Variants in NT5C2 observed in about 807,000 individuals in gnomAD.
NT5C2 encodes the protein cytosolic purine 5'-nucleotidase.
A neutral mutation model predicts 76.1 loss-of-function variants in NT5C2; 58 were observed. The observed-to-expected ratio is 0.76, with a 90% CI of 0.62 to 0.95. The LOEUF (loss-of-function observed/expected upper bound fraction) is 0.95, where lower values mean the gene tolerates loss of function less well. Ranked by LOEUF, NT5C2 falls within the 40% of genes least tolerant of loss-of-function variation. The pLI is 0.00. For missense variants in NT5C2, 478 were observed against 690.3 expected (o/e 0.69, Z 3.45); for synonymous variants, 229 against 237.4 (o/e 0.96, Z 0.32).
chr10:103,104,698 A>G (rs749025984), intron 6 of NT5C2, among the ~76,000 whole-genome samples: 2 of 152,202 alleles, frequency 1.3e-5, no homozygotes, highest in Non-Finnish European at 2.9e-5. Flanking sequence ...AATGCCAACT[A>G]AAGAGTCTTA....
chr10:103,174,706 A>T, intron 3 of NT5C2, 152 bp downstream of exon 3: 1 of 601,240 alleles, frequency 1.7e-6, no homozygotes. Flanking sequence ...ACTAGTAGTT[A>T]AAAGTCTCGA....
At chr10:103,140,123 T>C (rs779583068) in intron 3 of NT5C2, 6 of 152,216 alleles carry the variant, frequency 3.9e-5, no homozygotes, top group Non-Finnish European at 7.3e-5. Flanking sequence ...TCACCTATGT[T>C]GCTCTGGCTC....
At chr10:103,103,336 G>C (rs2070312709) in intron 6 of NT5C2, among the ~76,000 whole-genome samples, 1 of 152,134 alleles carries the variant, frequency 6.6e-6, no homozygotes. Flanking sequence ...TTATCTTCTA[G>C]CTTTCCAAGA....
chr10:103,117,377 G>A (rs1409147149), intron 4 of NT5C2, among the ~76,000 whole-genome samples: 1 of 152,184 alleles, frequency 6.6e-6, no homozygotes, highest in African/African-American at 2.4e-5. Flanking sequence ...TGGGCGTGAT[G>A]GCTCACACTT....
At chr10:103,139,678 T>C (rs2080007385) in intron 3 of NT5C2, among the ~76,000 whole-genome samples, 199 bp from the exon 4 acceptor site, 1 of 152,204 alleles carries the variant, frequency 6.6e-6, no homozygotes, top group Admixed American at 6.5e-5. Flanking sequence ...CACAGTGAAA[T>C]GATTAATACA....
At chr10:103,179,415 T>C (rs1391189339) in intron 2 of NT5C2, among the ~76,000 whole-genome samples, 3 of 152,112 alleles carry the variant, frequency 2.0e-5, no homozygotes, top group African/African-American at 7.2e-5. Context: ...GGAGGTAATA[T>C]TTGTTCAGAG....
At chr10:103,162,728 A>C (rs762655988) in intron 3 of NT5C2, among the ~76,000 whole-genome samples, 1 of 152,194 alleles carries the variant, frequency 6.6e-6, no homozygotes, top group Non-Finnish European at 1.5e-5. Flanking sequence ...GTATATATCC[A>C]CAAAAAGATT....
At chr10:103,185,579 C>T (rs7073259) in intron 1 of NT5C2, among the ~76,000 whole-genome samples, 226 of 142,044 alleles carry the variant, frequency 1.6e-3, no homozygotes, top group African/African-American at 5.4e-3. Flanking sequence ...GCCGGGAAGG[C>T]AGAGATTGCG....
intron 4 of NT5C2, among the ~76,000 whole-genome samples, chr10:103,121,967 A>T (rs1156855620): frequency 6.6e-6 from 1 of 152,206 alleles, no homozygotes; most frequent in African/African-American, 2.4e-5. Context: ...TGAGGTCAGT[A>T]GTTCAAGACC....
At chr10:103,103,900 C>G (rs996243860) in intron 6 of NT5C2, among the ~76,000 whole-genome samples, 1 of 152,120 alleles carries the variant, frequency 6.6e-6, no homozygotes, top group African/African-American at 2.4e-5. Flanking sequence ...GTTACACAGG[C>G]TGTACTACAG....
At chr10:103,191,336 C>A (rs1406248021) in intron 1 of NT5C2, among the ~76,000 whole-genome samples, 2 of 145,974 alleles carry the variant, frequency 1.4e-5, no homozygotes, top group Non-Finnish European at 3.0e-5. Context: ...GAGCCAAGAT[C>A]ATGCCATTGC....
At chr10:103,144,940 T>TC (rs750115736) in intron 3 of NT5C2, among the ~76,000 whole-genome samples, 3 of 152,078 alleles carry the variant, frequency 2.0e-5, no homozygotes, top group African/African-American at 4.8e-5. Context: ...CACTTCTGTC[T>TC]CCCCCCAATT....
intron 6 of NT5C2, among the ~76,000 whole-genome samples, chr10:103,103,137 A>C (rs2070257203): frequency 6.6e-6 from 1 of 152,238 alleles, no homozygotes; most frequent in Non-Finnish European, 1.5e-5. Context: ...CATGGAGATT[A>C]ACAATGTAAA....
chr10:103,091,397 G>A (rs1325552721), intron 16 of NT5C2, among the ~76,000 whole-genome samples, 167 bp downstream of exon 16: 4 of 151,752 alleles, frequency 2.6e-5, no homozygotes, highest in African/African-American at 9.7e-5. Context: ...CCAGGCTGGA[G>A]TGCAATGGTG....
In NT5C2 at chr10:103,089,495, C is replaced by T. The variant is rs947840238; in HGVS notation, c.*177G>A. 5 of 1,175,478 alleles carry T rather than the reference C, an allele frequency of 4.3e-6. No homozygotes were observed. The highest frequency in any genetic ancestry group is 5.7e-6 in the Non-Finnish European group (5 of 872,254). 72.8% of individuals were successfully genotyped at this position (1,175,478 alleles called of 1,614,324 possible). Reference sequence around the variant, plus strand: ...AATTTTGGACCATCTGCAGAGAGTACAGATACACAAAACCAAAACAAGTAT... The same window carrying T: ...AATTTTGGACCATCTGCAGAGAGTATAGATACACAAAACCAAAACAAGTAT... On this transcript the variant is annotated 3_prime_UTR_variant, in exon 19 of 19. Coordinates refer to ENST00000404739, the MANE Select transcript of NT5C2 (RefSeq NM_001351169.2).
chr10:103,094,053 T>C lies in NT5C2; in HGVS notation c.922-15A>G. On this transcript the variant is annotated splice_polypyrimidine_tract_variant and intron_variant, in intron 13 of 18. Coordinates refer to ENST00000404739, the MANE Select transcript of NT5C2 (RefSeq NM_001351169.2). ...TTGCCAGTTTTCTGTATGAAGAATA[T>C]GGATTTTGTAATACTTTATCATCCT... is the stretch of plus-strand genomic sequence containing the variant. 1 of 1,606,342 alleles carries C rather than the reference T, an allele frequency of 6.2e-7. No individual in the cohort carries two copies. The highest frequency in any genetic ancestry group is 1.7e-5 in the Admixed American group (1 of 60,004).
intron 2 of NT5C2, among the ~76,000 whole-genome samples, chr10:103,179,731 C>G (rs1418389698): frequency 6.6e-6 from 1 of 152,118 alleles, no homozygotes; most frequent in Non-Finnish European, 1.5e-5. Flanking sequence ...AACAATAAAC[C>G]AACCTACTAC....
At chr10:103,152,376 T>C (rs1464880356) in intron 3 of NT5C2, among the ~76,000 whole-genome samples, 2 of 152,030 alleles carry the variant, frequency 1.3e-5, no homozygotes, top group African/African-American at 4.8e-5. Context: ...TACCCCTGGT[T>C]GTTCTCGTTA....
chr10:103,159,194 G>A (rs1373488392), intron 3 of NT5C2, among the ~76,000 whole-genome samples: 2 of 151,172 alleles, frequency 1.3e-5, no homozygotes, highest in Admixed American at 6.6e-5. Flanking sequence ...GATCAGGCCC[G>A]TGAATAGCCA....
Sources: gnomAD v4.1 joint callset for allele counts (sites outside exome capture counted in the v4.1 genomes callset) on GRCh38, gnomAD v4.1.1 for gene constraint, MANE v1.5 for transcripts, NCBI Gene and HGNC (gene_info 2026-07-23, HGNC 2026-07-21) for gene names.